GIGYF2: variants seen among roughly 807,000 people sequenced by gnomAD.
GIGYF2 encodes GRB10-interacting GYF protein 2.
Under a neutral mutation model 208.1 loss-of-function variants are expected in GIGYF2, and 25 were observed. That is an observed-to-expected ratio of 0.12 (90% CI 0.09 to 0.17). The LOEUF is 0.17. Among genes scored for constraint, GIGYF2 ranks in the 10% least tolerant of loss-of-function variants. GIGYF2 has a pLI of 1.00. For missense variants in GIGYF2, 1,302 were observed against 1,579.4 expected (o/e 0.82, Z 2.98); for synonymous variants, 534 against 543.8 (o/e 0.98, Z 0.25).
In GIGYF2 at chr2:232,839,417, C is replaced by G. The variant is rs114114530; in HGVS notation, c.2767-432C>G. 3.2e-3 allele frequency among the ~76,000 whole-genome samples: 489 copies of G among 152,306 alleles called. 3 individuals carry two copies. The highest frequency in any genetic ancestry group is 3.9e-3 in the Non-Finnish European group (264 of 68,024). On this transcript the variant is annotated intron_variant, in intron 22 of 28. Coordinates refer to ENST00000373563, the MANE Select transcript of GIGYF2 (RefSeq NM_001103146.3). ...AGATGAGAAATCTCATGGTGCTACC[C>G]TCAGAAATCGTGTCCTTAACACTTT...
rs138371262 is a variant in GIGYF2 at position 232,765,695 on chromosome 2, C to T, written c.532+4259C>T. On this transcript the variant is annotated intron_variant, in intron 8 of 28. Transcript: ENST00000373563. ...TATTAAAAAATAATCCATATGATACCGGTTCACTCAGCCCAGTGCAATACA... is the reference window on the plus strand; with the variant it reads ...TATTAAAAAATAATCCATATGATACTGGTTCACTCAGCCCAGTGCAATACA... The T allele has an allele frequency of 8.5e-3, 1,770 of 208,470 alleles. 28 individuals carry two copies. Among genetic ancestry groups the T allele is most frequent in the Admixed American group, 0.057 (1,056 of 18,502 alleles). The allele number at this position is 208,470 out of a possible 1,614,324, so 12.9% of individuals were successfully genotyped here. A position where few individuals can be genotyped will look rare whatever the true frequency, so the allele number is the denominator to read the frequency against.
intron 5 of GIGYF2, among the ~76,000 whole-genome samples, chr2:232,752,252 A>G (rs370203865): frequency 5.3e-5 from 8 of 152,178 alleles, no homozygotes; most frequent in East Asian, 1.9e-4. Flanking sequence ...CCCTTCAGAG[A>G]TTAGTATTGA....
chr2:232,756,706 T>C (rs1698557488), intron 6 of GIGYF2, among the ~76,000 whole-genome samples: 1 of 152,192 alleles, frequency 6.6e-6, no homozygotes, highest in Non-Finnish European at 1.5e-5. Context: ...TGACAGTTTC[T>C]GTGTGAGGGG....
intron 1 of GIGYF2, chr2:232,700,554 C>A (rs1042364638): frequency 3.3e-5 from 5 of 152,200 alleles, no homozygotes; most frequent in African/African-American, 1.2e-4. Context: ...TTAAATTTCC[C>A]ATACTTTCTG....
chr2:232,759,940 T>G (rs182328946), intron 6 of GIGYF2, among the ~76,000 whole-genome samples: 14 of 152,306 alleles, frequency 9.2e-5, no homozygotes, highest in African/African-American at 3.4e-4. Context: ...TAGAGTAAAC[T>G]GTACCTTTGG....
chr2:232,852,504 C>T (rs780785578), intron 28 of GIGYF2, among the ~76,000 whole-genome samples: 7 of 152,082 alleles, frequency 4.6e-5, no homozygotes, highest in Admixed American at 1.3e-4. Flanking sequence ...GCTGAGATCA[C>T]GCCACTGCAC....
chr2:232,820,533 C>T (rs566874309), intron 21 of GIGYF2, among the ~76,000 whole-genome samples: 4 of 152,116 alleles, frequency 2.6e-5, no homozygotes, highest in African/African-American at 9.6e-5. Context: ...CCAGGGTGGT[C>T]TCAATCTCCT....
intron 4 of GIGYF2, 128 bp downstream of exon 4, chr2:232,747,872 T>C: frequency 1.1e-6 from 1 of 882,334 alleles, no homozygotes; most frequent in South Asian, 1.5e-5. Flanking sequence ...CTTAACTGTT[T>C]CCCTGCTTTG....
chr2:232,810,598 A>T (rs1217303968), intron 16 of GIGYF2: 1 of 153,794 alleles, frequency 6.5e-6, no homozygotes, highest in Non-Finnish European at 1.4e-5. Context: ...CTCTATTTTT[A>T]TATTTATAAG....
chr2:232,854,580 A>T (rs187500821), intron 28 of GIGYF2, among the ~76,000 whole-genome samples: 49 of 152,278 alleles, frequency 3.2e-4, no homozygotes, highest in African/African-American at 1.2e-3. Context: ...GGTTATTGGA[A>T]CACAGTTGAT....
intron 14 of GIGYF2, among the ~76,000 whole-genome samples, chr2:232,804,960 T>G (rs964800935): frequency 6.6e-6 from 1 of 152,136 alleles, no homozygotes; most frequent in African/African-American, 2.4e-5. Flanking sequence ...CAAAGAAACA[T>G]ACTATATGTG....
chr2:232,769,978 T>C (rs1270383039), intron 8 of GIGYF2, among the ~76,000 whole-genome samples: 3 of 152,212 alleles, frequency 2.0e-5, no homozygotes, highest in Non-Finnish European at 4.4e-5. Flanking sequence ...GCTGGTGGTA[T>C]TGTTTTTTGT....
intron 2 of GIGYF2, chr2:232,722,621 GA>G (rs764121287): frequency 6.6e-6 from 1 of 152,184 alleles, no homozygotes; most frequent in South Asian, 2.1e-4. Flanking sequence ...GATGTTGTTG[GA>G]AAAACTGATG....
intron 8 of GIGYF2, chr2:232,766,008 G>T: frequency 2.1e-6 from 1 of 471,056 alleles, no homozygotes; most frequent in Non-Finnish European, 4.4e-6. Context: ...CAGAAAGGCA[G>T]AGCAGCCATT....
intron 12 of GIGYF2, among the ~76,000 whole-genome samples, chr2:232,793,323 A>C (rs1224624511): frequency 6.6e-6 from 1 of 152,230 alleles, no homozygotes; most frequent in Non-Finnish European, 1.5e-5. Context: ...TAGATAGTAC[A>C]CCTGTAAAGG....
In GIGYF2 at chr2:232,741,115, T is replaced by C. The variant is rs114023016; in HGVS notation, c.41+5877T>C. ...GATATTCAGCTGCCTATCTGATTTTTCCACTTAGATGTCTTATAAGCATCT... is the reference window on the plus strand; with the variant it reads ...GATATTCAGCTGCCTATCTGATTTTCCCACTTAGATGTCTTATAAGCATCT... On this transcript the variant is annotated intron_variant, in intron 3 of 28. Coordinates refer to ENST00000373563, the MANE Select transcript of GIGYF2 (RefSeq NM_001103146.3). Among the ~76,000 whole-genome samples the C allele has an allele frequency of 5.1e-3, 782 of 152,340 alleles. 4 individuals carry two copies. The highest frequency in any genetic ancestry group is 0.018 in the African/African-American group (757 of 41,576).
chr2:232,812,331 C>CT (rs76864273), intron 17 of GIGYF2, 60 bp from the exon 18 acceptor site: 31,843 of 680,612 alleles, frequency 0.047, 57 homozygotes, highest in Admixed American at 0.09. Context: ...TCCTCTTCAT[C>CT]TTTTTTTTTT....
chr2:232,776,581 A>G, intron 8 of GIGYF2: 1 of 732,944 alleles, frequency 1.4e-6, no homozygotes, highest in Admixed American at 2.0e-5. Context: ...TACAGCTTAC[A>G]TTCCTCTGTT....
At chr2:232,767,677 AC>A (rs1434208770) in intron 8 of GIGYF2, 1 of 160,114 alleles carries the variant, frequency 6.2e-6, no homozygotes, top group Non-Finnish European at 1.4e-5. Context: ...GGTAATACTT[AC>A]TCAAGTTTCA....
Sources: gnomAD v4.1 joint callset for allele counts (sites outside exome capture counted in the v4.1 genomes callset) on GRCh38, gnomAD v4.1.1 for gene constraint, MANE v1.5 for transcripts, NCBI Gene and HGNC (gene_info 2026-07-23, HGNC 2026-07-21) for gene names.